The following SIMC1 variants were observed in gnomAD, a reference collection of about 807,000 sequenced individuals.
SIMC1 encodes SUMO-interacting motif-containing protein 1.
Under a neutral mutation model 82.3 loss-of-function variants are expected in SIMC1, and 55 were observed. The observed-to-expected ratio is 0.67, with a 90% CI of 0.54 to 0.84. SIMC1 has a LOEUF of 0.84. Among genes scored for constraint, SIMC1 ranks in the 40% least tolerant of loss-of-function variants. The probability of loss-of-function intolerance (pLI) is 0.00; values close to 1 mark genes in which losing one functional copy is unlikely to be tolerated. For missense variants in SIMC1, 915 were observed against 1,107.2 expected (o/e 0.83, Z 2.46); for synonymous variants, 353 against 426.3 (o/e 0.83, Z 2.12).
intron 1 of SIMC1, among the ~76,000 whole-genome samples, chr5:176,269,282 A>T (rs1762328563): frequency 6.6e-6 from 1 of 152,036 alleles, no homozygotes; most frequent in African/African-American, 2.4e-5. Flanking sequence ...ATATCTAGCT[A>T]GATTGATCAG....
chr5:176,295,650 CCT>C (rs1459165892), intron 3 of SIMC1, among the ~76,000 whole-genome samples: 7 of 151,158 alleles, frequency 4.6e-5, no homozygotes, highest in African/African-American at 1.7e-4. Flanking sequence ...CATGTGGTAG[CCT>C]CTCAGCCTCA....
At chr5:176,250,572 C>G (rs1761615020) in intron 1 of SIMC1, among the ~76,000 whole-genome samples, 1 of 152,136 alleles carries the variant, frequency 6.6e-6, no homozygotes, top group Admixed American at 6.5e-5. Context: ...GTTAAAATCT[C>G]CCACTATTAT....
At position 176,345,409 on chromosome 5, in the gene SIMC1, T is replaced by TGCAGAGCCCTTTCAAAAGG. The variant is rs750439459; in HGVS notation, c.2643_2661dup (p.Trp888ArgfsTer24). 6.2e-7 allele frequency: 1 copy of TGCAGAGCCCTTTCAAAAGG among 1,613,872 alleles called. No individual in the cohort carries two copies. On this transcript the variant is annotated frameshift_variant, in exon 10 of 10. Transcript: ENST00000429602. LOFTEE classifies it high-confidence loss of function. ...TCTATGCTGCGGACTTGAACCCTGA[T>TGCAGAGCCCTTTCAAAAGG]GCAGAGCCCTTTCAAAAGGGCTGGA...
rs773651765 is a variant in SIMC1, at chr5:176,290,205, A to T, written c.681A>T (p.Pro227=). 8.1e-6 allele frequency: 13 copies of T among 1,600,980 alleles called. No homozygotes were observed. The South Asian group carries it at 1.3e-4, about 16-fold the overall frequency. The change falls in exon 2 of 10, where the codon CCA becomes CCT. Residue 227 remains proline (P), a synonymous_variant. Transcript: ENST00000429602. The stretch of plus-strand genomic sequence containing the variant: ...TGCCGTGCCCCCTGCGACCTTTGCC[A>T]TGCCCACCGAGAGCCTCACCATGTC... ...QALPCPLRPL[P]CPPRASPCPP... is the part of the protein sequence containing the mutation.
intron 2 of SIMC1, among the ~76,000 whole-genome samples, chr5:176,292,324 A>G (rs1354238067): frequency 6.6e-6 from 1 of 152,178 alleles, no homozygotes; most frequent in Non-Finnish European, 1.5e-5. Context: ...TTTTTTAGTT[A>G]TGTACATCCC....
At chr5:176,324,535 C>T in intron 6 of SIMC1, 94 bp from the exon 7 acceptor site, 2 of 1,315,172 alleles carry the variant, frequency 1.5e-6, no homozygotes, top group Non-Finnish European at 2.1e-6. Context: ...GTAGTCTCTA[C>T]TCTCGATGTA....
chr5:176,282,308 G>A (rs1187755786), intron 1 of SIMC1, among the ~76,000 whole-genome samples: 6 of 152,192 alleles, frequency 3.9e-5, no homozygotes, highest in Non-Finnish European at 8.8e-5. Flanking sequence ...GGGTGGGAGT[G>A]ATCCGATTTT....
rs540066666 is a variant in SIMC1, at chr5:176,290,184, G to A, written c.660G>A (p.Pro220=). The change falls in exon 2 of 10, where the codon CCG becomes CCA. Residue 220 remains proline, a synonymous_variant. Coordinates refer to ENST00000429602, the MANE Select transcript of SIMC1 (RefSeq NM_001308195.2). The stretch of plus-strand genomic sequence containing the variant: ...TATCTCGCCCACCACAGGCCTTGCC[G>A]TGCCCCCTGCGACCTTTGCCATGCC... ...QDVSRPPQAL[P]CPLRPLPCPP... 3.8e-5 allele frequency: 62 copies of A among 1,611,484 alleles called. No homozygotes were observed. Among genetic ancestry groups the A allele is most frequent in the South Asian group, 3.5e-4 (32 of 90,722 alleles).
intron 1 of SIMC1, among the ~76,000 whole-genome samples, chr5:176,271,914 TTG>T (rs1561682062): frequency 2.2e-5 from 2 of 89,630 alleles, no homozygotes; most frequent in Non-Finnish European, 4.9e-5. Context: ...TAGTATATAA[TTG>T]TATATTATAT....
chr5:176,272,171 A>G (rs1211413457), intron 1 of SIMC1, among the ~76,000 whole-genome samples: 1 of 108,284 alleles, frequency 9.2e-6, no homozygotes, highest in Non-Finnish European at 2.0e-5. Context: ...TCCCATCTCT[A>G]CAAAAAAAAA....
intron 1 of SIMC1, among the ~76,000 whole-genome samples, chr5:176,284,992 A>G (rs149905012): frequency 0.018 from 2,755 of 152,274 alleles, 85 homozygotes; most frequent in African/African-American, 0.063. Context: ...CCAGGACCAG[A>G]CGGATTCACA....
chr5:176,282,535 G>A (rs1763062675), intron 1 of SIMC1, among the ~76,000 whole-genome samples: 1 of 152,136 alleles, frequency 6.6e-6, no homozygotes, highest in South Asian at 2.1e-4. Flanking sequence ...GCTCACGCTG[G>A]GAGCTGTAGA....
At position 176,331,819 on chromosome 5, in the gene SIMC1, A is replaced by C. The variant is rs377714866; in HGVS notation, c.2172-4901A>C. Among the ~76,000 whole-genome samples, 46 of 152,058 alleles carry C rather than the reference A, an allele frequency of 3.0e-4. No homozygotes were observed. The East Asian group carries it at 7.7e-3, about 25-fold the overall frequency. The stretch of plus-strand genomic sequence containing the variant: ...CTCCATCTCTACTAAAAATACAAAA[A>C]TTAGCCAGGTGTGGTGGCGGGCGCC... On this transcript the variant is annotated intron_variant, in intron 7 of 9. Coordinates refer to ENST00000429602, the MANE Select transcript of SIMC1 (RefSeq NM_001308195.2).
chr5:176,290,644 AC>A lies in SIMC1; in HGVS notation c.1123del (p.Gln375ArgfsTer31), dbSNP rs757461011. The A allele has an allele frequency of 6.2e-7, 1 of 1,613,980 alleles. No individual in the cohort carries two copies. The highest frequency in any genetic ancestry group is 1.1e-5 in the South Asian group (1 of 91,078). On this transcript the variant is annotated frameshift_variant, in exon 2 of 10. Coordinates refer to ENST00000429602, the MANE Select transcript of SIMC1 (RefSeq NM_001308195.2). LOFTEE classifies it high-confidence loss of function. ...CTTACCAGGAGACAGGCCTGACTTT[AC>A]CCAGAATGATGTACAGAACCGTGAC... ...PHLPGDRPDF[T>X]QNDVQNRDMP...
chr5:176,339,088 G>C (rs929077764), intron 9 of SIMC1, among the ~76,000 whole-genome samples: 9 of 152,218 alleles, frequency 5.9e-5, no homozygotes, highest in African/African-American at 1.9e-4. Flanking sequence ...TGTCGGCCAG[G>C]CATGGTGGCT....
At chr5:176,296,218 C>T in intron 3 of SIMC1, 33 bp from the exon 4 acceptor site, 1 of 1,600,542 alleles carries the variant, frequency 6.2e-7, no homozygotes. Flanking sequence ...GCTAAATTCT[C>T]CATAATTCTA....
At chr5:176,300,856 A>G (rs1289838964) in intron 4 of SIMC1, among the ~76,000 whole-genome samples, 11 of 152,212 alleles carry the variant, frequency 7.2e-5, no homozygotes, top group African/African-American at 2.7e-4. Context: ...CCTAGAATAA[A>G]TGGAGTAATT....
chr5:176,262,667 T>A (rs1762058165), intron 1 of SIMC1, among the ~76,000 whole-genome samples: 3 of 152,156 alleles, frequency 2.0e-5, no homozygotes, highest in Admixed American at 6.5e-5. Context: ...CAGCCAGGCA[T>A]GGTGGTGAGC....
intron 7 of SIMC1, among the ~76,000 whole-genome samples, chr5:176,327,603 A>G (rs1765451498): frequency 6.6e-6 from 1 of 152,182 alleles, no homozygotes; most frequent in Non-Finnish European, 1.5e-5. Flanking sequence ...GCCATACTGC[A>G]TAGGCTAGAA....
Sources: gnomAD v4.1 joint callset for allele counts (sites outside exome capture counted in the v4.1 genomes callset) on GRCh38, gnomAD v4.1.1 for gene constraint, MANE v1.5 for transcripts, NCBI Gene and HGNC (gene_info 2026-07-23, HGNC 2026-07-21) for gene names.